The following UNC79 variants were observed in gnomAD, a reference collection of about 807,000 sequenced individuals.
UNC79 encodes the protein protein unc-79 homolog.
In UNC79, 37 loss-of-function variants were observed where a neutral mutation model predicts 283.1. The ratio of observed to expected loss-of-function variants is 0.13; its 90% CI spans 0.10 to 0.17. The LOEUF (loss-of-function observed/expected upper bound fraction) is 0.17. UNC79 is among the 10% of genes least tolerant of loss of function. The probability of loss-of-function intolerance (pLI) is 1.00; values close to 1 mark genes in which losing one functional copy is unlikely to be tolerated. For missense variants in UNC79, 2,272 were observed against 3,211.1 expected (o/e 0.71, Z 7.07); for synonymous variants, 1,107 against 1,200.2 (o/e 0.92, Z 1.61).
chr14:93,494,512 T>A lies in UNC79; in HGVS notation c.713-1899T>A, dbSNP rs978479538. ...TGAGACACCTAATAGGAGCTGGTAA[T>A]TAGGTAGTTGTATTATGGGTCTGGA... is the stretch of plus-strand genomic sequence containing the variant. On this transcript the variant is annotated intron_variant, in intron 5 of 48. Coordinates refer to ENST00000555664, the Ensembl canonical transcript of UNC79. Among the ~76,000 whole-genome samples the A allele has an allele frequency of 3.0e-4, 45 of 152,142 alleles. 1 individual carries two copies. The highest frequency in any genetic ancestry group is 3.7e-4 in the Non-Finnish European group (25 of 68,022).
intron 5 of UNC79, among the ~76,000 whole-genome samples, chr14:93,488,304 CTT>C (rs1211959084): frequency 1.1e-4 from 16 of 152,104 alleles, no homozygotes; most frequent in African/African-American, 3.6e-4. Flanking sequence ...ATTAATATCT[CTT>C]TGTTTAGATT....
chr14:93,512,548 C>CA (rs1391630647), intron 7 of UNC79, among the ~76,000 whole-genome samples: 2 of 152,074 alleles, frequency 1.3e-5, no homozygotes, highest in African/African-American at 4.8e-5. Context: ...CCAGAGGTAT[C>CA]AAATACTCCA....
At chr14:93,604,770 T>A in intron 26 of UNC79, 126 bp from the exon 27 acceptor site, 1 of 970,476 alleles carries the variant, frequency 1.0e-6, no homozygotes, top group Non-Finnish European at 1.4e-6. Flanking sequence ...AACTTTTATG[T>A]GATGTTAATT....
intron 1 of UNC79, among the ~76,000 whole-genome samples, chr14:93,408,348 T>A (rs558403188): frequency 3.0e-4 from 46 of 152,336 alleles, no homozygotes; most frequent in African/African-American, 1.1e-3. Flanking sequence ...TCTCTAAAAT[T>A]GTACTGATGA....
At chr14:93,528,678 T>C (rs1286660968) in intron 9 of UNC79, 32 bp downstream of exon 9, 1 of 1,589,548 alleles carries the variant, frequency 6.3e-7, no homozygotes, top group Non-Finnish European at 8.6e-7. Context: ...GAAAAGGAAA[T>C]AGGACAACAA....
chr14:93,436,021 G>A (rs1053034533), intron 1 of UNC79, among the ~76,000 whole-genome samples: 4 of 152,078 alleles, frequency 2.6e-5, no homozygotes, highest in Non-Finnish European at 5.9e-5. Context: ...AATTTACTTT[G>A]TGTGTAGATT....
chr14:93,489,647 C>G (rs574695898), intron 5 of UNC79, among the ~76,000 whole-genome samples: 2 of 152,378 alleles, frequency 1.3e-5, no homozygotes, highest in East Asian at 3.9e-4. Context: ...TCCAGGCCCA[C>G]TGGGGTGGAG....
intron 1 of UNC79, among the ~76,000 whole-genome samples, chr14:93,364,067 T>C (rs187552017): frequency 1.3e-5 from 2 of 152,162 alleles, no homozygotes; most frequent in Admixed American, 1.3e-4. Context: ...GTTTAAAGTC[T>C]GTTTTATCTG....
chr14:93,605,209 T>C (rs2065795632), intron 26 of UNC79, among the ~76,000 whole-genome samples: 1 of 152,206 alleles, frequency 6.6e-6, no homozygotes, highest in Non-Finnish European at 1.5e-5. Context: ...CCTGAGTCTG[T>C]ACCTTTCCCC....
intron 47 of UNC79, among the ~76,000 whole-genome samples, chr14:93,699,154 T>C (rs755168410): frequency 7.9e-5 from 12 of 152,208 alleles, no homozygotes; most frequent in Non-Finnish European, 1.8e-4. Flanking sequence ...TTCCTTTTGA[T>C]TGAGGTTTTT....
At chr14:93,397,999 G>A (rs1222933106) in intron 1 of UNC79, among the ~76,000 whole-genome samples, 1 of 152,150 alleles carries the variant, frequency 6.6e-6, no homozygotes, top group Non-Finnish European at 1.5e-5. Flanking sequence ...TCAATTTCAA[G>A]TTCTGACATG....
intron 1 of UNC79, among the ~76,000 whole-genome samples, chr14:93,344,265 T>C (rs2053776656): frequency 6.6e-6 from 1 of 152,220 alleles, no homozygotes; most frequent in South Asian, 2.1e-4. Context: ...AAAAATGGGG[T>C]ATTACCCAAA....
At chr14:93,386,068 T>A (rs1055274479) in intron 1 of UNC79, among the ~76,000 whole-genome samples, 1 of 152,200 alleles carries the variant, frequency 6.6e-6, no homozygotes, top group African/African-American at 2.4e-5. Context: ...GGGGAAAGGC[T>A]TTCAGTTTTT....
intron 7 of UNC79, among the ~76,000 whole-genome samples, chr14:93,501,881 G>A (rs1490967882): frequency 6.6e-6 from 1 of 152,108 alleles, no homozygotes; most frequent in Middle Eastern, 3.2e-3. Flanking sequence ...ACACAGGAAA[G>A]TTTAAAGAAT....
Position 93,550,533 on chromosome 14 carries a change from A to AAAGAAAAG in UNC79, c.1755+7839_1755+7840insGAAAAGAA, listed in dbSNP as rs1555449180. On this transcript the variant is annotated intron_variant, in intron 14 of 48. Coordinates refer to ENST00000555664, the Ensembl canonical transcript of UNC79. ...CCGTATCAAAAAAAAAAAAAAAAAA[A>AAAGAAAAG]AAAAAAAAGAGGAAGGAGTCTTCCC... is the stretch of plus-strand genomic sequence containing the variant. Among the ~76,000 whole-genome samples the AAAGAAAAG allele has an allele frequency of 3.2e-4, 39 of 122,542 alleles. 4 individuals are homozygous for AAAGAAAAG. Among genetic ancestry groups the AAAGAAAAG allele is most frequent in the African/African-American group, 6.2e-4 (20 of 32,374 alleles). 80.4% of individuals were successfully genotyped at this position (122,542 alleles called of 152,430 possible).
At chr14:93,598,800 G>A (rs2065279325) in intron 24 of UNC79, among the ~76,000 whole-genome samples, 1 of 152,248 alleles carries the variant, frequency 6.6e-6, no homozygotes, top group African/African-American at 2.4e-5. Flanking sequence ...GGGATTAGAG[G>A]CCTGAGCCAC....
At chr14:93,369,348 AG>A (rs1453223304) in intron 1 of UNC79, among the ~76,000 whole-genome samples, 1 of 152,262 alleles carries the variant, frequency 6.6e-6, no homozygotes, top group Admixed American at 6.5e-5. Flanking sequence ...AGAGACTTCC[AG>A]TTTCCAGTTC....
chr14:93,347,209 GT>G, intron 1 of UNC79: 1 of 1,513,630 alleles, frequency 6.6e-7, no homozygotes, highest in Non-Finnish European at 8.9e-7. Flanking sequence ...TGGAGCTTGC[GT>G]TACTTGGCCT....
intron 24 of UNC79, among the ~76,000 whole-genome samples, chr14:93,598,673 C>T (rs1334221868): frequency 3.9e-5 from 6 of 152,214 alleles, no homozygotes; most frequent in East Asian, 3.9e-4. Flanking sequence ...AGGCTTACGC[C>T]GCCACGCCTG....
Sources: gnomAD v4.1 joint callset for allele counts (sites outside exome capture counted in the v4.1 genomes callset) on GRCh38, gnomAD v4.1.1 for gene constraint, MANE v1.5 for transcripts, NCBI Gene and HGNC (gene_info 2026-07-23, HGNC 2026-07-21) for gene names.